STX8: variants seen among roughly 807,000 people sequenced by gnomAD.
The protein encoded by STX8 is syntaxin-8.
Under a neutral mutation model 37.5 loss-of-function variants are expected in STX8, and 23 were observed. The observed-to-expected ratio is 0.61, with a 90% CI of 0.44 to 0.87. The LOEUF (loss-of-function observed/expected upper bound fraction) is 0.87. Among genes scored for constraint, STX8 ranks in the 40% least tolerant of loss-of-function variants. The pLI is 0.00. For synonymous variants in STX8, 115 were observed against 99.1 expected (o/e 1.16, Z -0.95); for missense variants, 313 against 284.7 (o/e 1.10, Z -0.71).
chr17:9,373,116 AAAAAGAAAAG>A (rs1346864201), intron 7 of STX8, among the ~76,000 whole-genome samples: 1 of 151,336 alleles, frequency 6.6e-6, no homozygotes, highest in Non-Finnish European at 1.5e-5. Context: ...TCAAAAAAAA[AAAAAGAAAAG>A]AAAAGAAAAA....
chr17:9,319,354 G>C (rs1249070552), intron 7 of STX8, among the ~76,000 whole-genome samples: 1 of 152,150 alleles, frequency 6.6e-6, no homozygotes, highest in Non-Finnish European at 1.5e-5. Flanking sequence ...GGGAGGCAGA[G>C]GTTGCAGTGA....
intron 7 of STX8, among the ~76,000 whole-genome samples, chr17:9,293,861 A>G (rs966424766): frequency 1.3e-5 from 2 of 151,402 alleles, no homozygotes; most frequent in Non-Finnish European, 2.9e-5. Context: ...TCCCGGGTTC[A>G]CGCCATTCTG....
intron 6 of STX8, among the ~76,000 whole-genome samples, chr17:9,421,839 G>C (rs1017627129): frequency 2.0e-5 from 3 of 152,076 alleles, no homozygotes; most frequent in Non-Finnish European, 2.9e-5. Flanking sequence ...GGCCTGTTGG[G>C]AGGTGACTGA....
At position 9,260,651 on chromosome 17, in the gene STX8, C is replaced by A. The variant is rs552733009; in HGVS notation, c.644-10006G>T. Reference sequence around the variant, plus strand: ...AAAAACAAACAAACAAACAAACAAACAAACAACTGTGGTCTTTTGGGGTGG... The same window carrying A: ...AAAAACAAACAAACAAACAAACAAAAAAACAACTGTGGTCTTTTGGGGTGG... On this transcript the variant is annotated intron_variant, in intron 7 of 7. Transcript: ENST00000306357. 6.6e-5 allele frequency among the ~76,000 whole-genome samples: 9 copies of A among 137,206 alleles called. No homozygotes were observed. The South Asian group carries it at 2.0e-3, about 31-fold the overall frequency. The allele number at this position is 137,206 out of a possible 152,430, so 90.0% of individuals were successfully genotyped here. A position where few individuals can be genotyped will look rare whatever the true frequency, so the allele number is the denominator to read the frequency against.
chr17:9,569,602 G>C (rs894521811), intron 1 of STX8: 1 of 152,140 alleles, frequency 6.6e-6, no homozygotes, highest in African/African-American at 2.4e-5. Flanking sequence ...ACTCCCAATA[G>C]CCCCTTATGT....
chr17:9,516,868 G>T (rs910743409), intron 4 of STX8, among the ~76,000 whole-genome samples: 2 of 152,026 alleles, frequency 1.3e-5, no homozygotes, highest in Non-Finnish European at 2.9e-5. Context: ...TTCAGCTCTG[G>T]TTTTCTCACC....
chr17:9,447,249 T>A (rs972674284), intron 6 of STX8, among the ~76,000 whole-genome samples: 42 of 152,346 alleles, frequency 2.8e-4, no homozygotes, highest in African/African-American at 9.6e-4. Context: ...TTTAAACACA[T>A]ACCCTTTAGC....
At chr17:9,295,514 G>A (rs62067064) in intron 7 of STX8, among the ~76,000 whole-genome samples, 29,448 of 152,104 alleles carry the variant, frequency 0.19, 3,529 homozygotes, top group Non-Finnish European at 0.26. Flanking sequence ...GGGAGCTGAG[G>A]CGGGCAAATC....
At chr17:9,573,080 A>AACCCCCCCCC (rs1907746427) in intron 1 of STX8, among the ~76,000 whole-genome samples, 2 of 101,576 alleles carry the variant, frequency 2.0e-5, no homozygotes, top group African/African-American at 7.5e-5. Context: ...CACCCCCAAC[A>AACCCCCCCCC]CCCCCCCCCA....
At chr17:9,290,038 G>T (rs1908261611) in intron 7 of STX8, among the ~76,000 whole-genome samples, 1 of 152,214 alleles carries the variant, frequency 6.6e-6, no homozygotes, top group Non-Finnish European at 1.5e-5. Flanking sequence ...ATTTCCCACA[G>T]GAGGAAGTTA....
At chr17:9,356,960 G>GTTTTGTTT (rs1910898871) in intron 7 of STX8, among the ~76,000 whole-genome samples, 1 of 61,752 alleles carries the variant, frequency 1.6e-5, no homozygotes, top group African/African-American at 6.2e-5. Context: ...CCTTTTAACA[G>GTTTTGTTT]TTTTTTTTTT....
intron 7 of STX8, among the ~76,000 whole-genome samples, chr17:9,354,447 G>A (rs887127783): frequency 7.3e-5 from 11 of 150,012 alleles, no homozygotes; most frequent in South Asian, 4.2e-4. Flanking sequence ...TCGGCTTCCC[G>A]AGTGGTTGGG....
In STX8 at chr17:9,327,311, AGAAG is replaced by A. The variant is rs1303767651; in HGVS notation, c.643+51237_643+51240del. Among the ~76,000 whole-genome samples the A allele has an allele frequency of 2.6e-3, 395 of 150,922 alleles. 2 individuals are homozygous for A. The highest frequency in any genetic ancestry group is 9.4e-3 in the African/African-American group (385 of 41,012). On this transcript the variant is annotated intron_variant, in intron 7 of 7. Coordinates refer to ENST00000306357, the MANE Select transcript of STX8 (RefSeq NM_004853.3). The stretch of plus-strand genomic sequence containing the variant: ...AAAGAAGAAGAAGAAAGAAAGAAGA[AGAAG>A]GAAGAAGGAGAAGAGAAGGAGAAGG...
intron 6 of STX8, among the ~76,000 whole-genome samples, chr17:9,426,767 A>G (rs968412011): frequency 6.6e-6 from 1 of 152,172 alleles, no homozygotes; most frequent in Non-Finnish European, 1.5e-5. Context: ...CTCAAAAAAT[A>G]AAGTAAAATA....
intron 7 of STX8, among the ~76,000 whole-genome samples, chr17:9,332,852 A>G (rs11867229): frequency 0.031 from 4,778 of 152,204 alleles, 241 homozygotes; most frequent in African/African-American, 0.11. Context: ...CTCACCCAAC[A>G]CAGTGCCTAG....
chr17:9,557,169 C>G (rs1234229809), intron 3 of STX8: 2 of 343,332 alleles, frequency 5.8e-6, no homozygotes, highest in African/African-American at 4.2e-5. Flanking sequence ...AAATACCGCA[C>G]TGACGGAAAA....
intron 6 of STX8, among the ~76,000 whole-genome samples, chr17:9,485,259 C>T (rs959099811): frequency 3.9e-5 from 6 of 152,140 alleles, no homozygotes; most frequent in Non-Finnish European, 7.3e-5. Flanking sequence ...GACAGTGGCC[C>T]AGAGGTATGA....
intron 7 of STX8, among the ~76,000 whole-genome samples, chr17:9,314,500 C>T (rs915201646): frequency 6.6e-6 from 1 of 151,882 alleles, no homozygotes; most frequent in Non-Finnish European, 1.5e-5. Flanking sequence ...CAGGTTCATA[C>T]CATTCTTCTG....
chr17:9,335,832 G>GACACACACAC (rs10701494), intron 7 of STX8, among the ~76,000 whole-genome samples: 2,060 of 147,768 alleles, frequency 0.014, 30 homozygotes, highest in South Asian at 0.054. Context: ...CACACACGTA[G>GACACACACAC]ACACACACAC....
Sources: gnomAD v4.1 joint callset for allele counts (sites outside exome capture counted in the v4.1 genomes callset) on GRCh38, gnomAD v4.1.1 for gene constraint, MANE v1.5 for transcripts, NCBI Gene and HGNC (gene_info 2026-07-23, HGNC 2026-07-21) for gene names.